MEGF9: variants seen among roughly 807,000 people sequenced by gnomAD.
MEGF9 encodes multiple EGF like domains 9.
A neutral mutation model predicts 46.8 loss-of-function variants in MEGF9; 6 were observed. The ratio of observed to expected loss-of-function variants is 0.13; its 90% CI spans 0.07 to 0.25. The LOEUF (loss-of-function observed/expected upper bound fraction) is 0.25. Ranked by LOEUF, MEGF9 falls within the 10% of genes least tolerant of loss-of-function variation. The pLI, the probability that MEGF9 is intolerant of heterozygous loss-of-function variation, is 1.00. For synonymous variants in MEGF9, 302 were observed against 330.7 expected, an observed-to-expected ratio of 0.91 and a Z score of 0.94; for missense variants, 683 against 792.4, an observed-to-expected ratio of 0.86 and a Z score of 1.66.
At chr9:120,680,119 TTC>T (rs1347342807) in intron 1 of MEGF9, among the ~76,000 whole-genome samples, 4 of 152,212 alleles carry the variant, frequency 2.6e-5, no homozygotes, top group Non-Finnish European at 5.9e-5. Flanking sequence ...CTATTTTGAA[TTC>T]TCTGTTTGAA....
chr9:120,616,985 A>G (rs1360151381), intron 3 of MEGF9, among the ~76,000 whole-genome samples: 1 of 152,176 alleles, frequency 6.6e-6, no homozygotes, highest in Non-Finnish European at 1.5e-5. Flanking sequence ...AAATCTAAGA[A>G]TCTTTCTTTT....
chr9:120,711,610 C>A (rs938510463), intron 1 of MEGF9, among the ~76,000 whole-genome samples: 2 of 151,894 alleles, frequency 1.3e-5, no homozygotes, highest in African/African-American at 4.8e-5. Flanking sequence ...TAGGGGTTAC[C>A]TTTGGGGTTG....
intron 2 of MEGF9, among the ~76,000 whole-genome samples, chr9:120,635,548 C>T (rs770271414): frequency 2.6e-5 from 4 of 151,082 alleles, no homozygotes; most frequent in Non-Finnish European, 5.9e-5. Context: ...TAGGTAATTT[C>T]GAATGACCTA....
chr9:120,650,339 A>T (rs1190438930), intron 2 of MEGF9, among the ~76,000 whole-genome samples: 1 of 152,242 alleles, frequency 6.6e-6, no homozygotes, highest in Non-Finnish European at 1.5e-5. Context: ...ATGCTACCTG[A>T]TTTCTCTATT....
intron 2 of MEGF9, among the ~76,000 whole-genome samples, chr9:120,629,640 A>C (rs988513940): frequency 3.4e-5 from 5 of 148,944 alleles, no homozygotes; most frequent in Admixed American, 1.3e-4. Flanking sequence ...GACAGTCCCC[A>C]AAAAAATTTT....
chr9:120,663,130 A>G (rs1319207041), intron 1 of MEGF9, among the ~76,000 whole-genome samples: 1 of 152,226 alleles, frequency 6.6e-6, no homozygotes. Context: ...TGACACATCA[A>G]GACAGAAAGG....
intron 1 of MEGF9, among the ~76,000 whole-genome samples, chr9:120,688,589 T>C (rs750700123): frequency 3.3e-5 from 5 of 152,198 alleles, no homozygotes; most frequent in African/African-American, 4.8e-5. Flanking sequence ...ATTAGTTACT[T>C]AAATAGGTTA....
At chr9:120,684,262 T>C (rs1368365453) in intron 1 of MEGF9, among the ~76,000 whole-genome samples, 1 of 152,220 alleles carries the variant, frequency 6.6e-6, no homozygotes, top group African/African-American at 2.4e-5. Context: ...CTGTATATTA[T>C]ACACTGAAAT....
intron 1 of MEGF9, among the ~76,000 whole-genome samples, chr9:120,711,840 T>TACACACACACACACACACACACACAC (rs146669450): frequency 2.2e-5 from 3 of 139,158 alleles, no homozygotes; most frequent in East Asian, 2.0e-4. Context: ...TATACATACA[T>TACACACACACACACACACACACACAC]ACATACACAC....
At chr9:120,612,346 T>A (rs2043451199) in intron 4 of MEGF9, 50 bp downstream of exon 4, 2 of 1,579,154 alleles carry the variant, frequency 1.3e-6, no homozygotes, top group African/African-American at 2.7e-5. Flanking sequence ...TACCTATTGA[T>A]AACTGATTTT....
In MEGF9 at chr9:120,604,782, T is replaced by TAAA; in HGVS notation, c.*405_*407dup. On this transcript the variant is annotated 3_prime_UTR_variant, in exon 6 of 6. Coordinates refer to ENST00000373930, the MANE Select transcript of MEGF9 (RefSeq NM_001080497.3). Reference sequence around the variant, plus strand: ...ACGAATATAATCCCTGACACTGTTTTAAAAAAAATGTTTCAGGAATGGAGA... The same window carrying TAAA: ...ACGAATATAATCCCTGACACTGTTTTAAAAAAAAAAATGTTTCAGGAATGGAGA... 5.3e-6 allele frequency: 1 copy of TAAA among 188,268 alleles called. No individual in the cohort carries two copies. The highest frequency in any genetic ancestry group is 1.3e-4 in the East Asian group (1 of 7,796). The allele number at this position is 188,268 out of a possible 1,614,324, so 11.7% of individuals were successfully genotyped here. A position where few individuals can be genotyped will look rare whatever the true frequency, so the allele number is the denominator to read the frequency against.
intron 1 of MEGF9, among the ~76,000 whole-genome samples, chr9:120,689,595 C>G (rs1252706820): frequency 6.6e-6 from 1 of 152,032 alleles, no homozygotes; most frequent in African/African-American, 2.4e-5. Flanking sequence ...ATGCCAAGAG[C>G]ATGTGCATGT....
intron 1 of MEGF9, among the ~76,000 whole-genome samples, chr9:120,707,681 T>C (rs2043934824): frequency 6.6e-6 from 1 of 152,196 alleles, no homozygotes; most frequent in South Asian, 2.1e-4. Context: ...TAGAGAATAT[T>C]AGGATGATGA....
At chr9:120,691,207 A>C (rs1040954842) in intron 1 of MEGF9, among the ~76,000 whole-genome samples, 7 of 152,144 alleles carry the variant, frequency 4.6e-5, no homozygotes, top group African/African-American at 1.7e-4. Context: ...TGTCTCAAAA[A>C]ATGATCAATC....
intron 1 of MEGF9, among the ~76,000 whole-genome samples, chr9:120,696,810 T>C (rs1326488590): frequency 6.6e-6 from 1 of 152,190 alleles, no homozygotes; most frequent in Non-Finnish European, 1.5e-5. Context: ...TAGGCAAATA[T>C]GATGAGGTTT....
At position 120,711,871 on chromosome 9, in the gene MEGF9, A is replaced by ACACACAC. The variant is rs145059704; in HGVS notation, c.601+1886_601+1887insGTGTGTG. Among the ~76,000 whole-genome samples the ACACACAC allele has an allele frequency of 2.7e-3, 407 of 150,198 alleles. 1 individual carries two copies. The highest frequency in any genetic ancestry group is 9.6e-3 in the African/African-American group (389 of 40,364). The stretch of plus-strand genomic sequence containing the variant: ...CACACACACACACACACACACACAC[A>ACACACAC]CCCACAGGCCTGGTCATAAGCATAG... On this transcript the variant is annotated intron_variant, in intron 1 of 5. Coordinates refer to ENST00000373930, the MANE Select transcript of MEGF9 (RefSeq NM_001080497.3).
At chr9:120,651,399 T>C (rs951018320) in intron 2 of MEGF9, among the ~76,000 whole-genome samples, 2 of 152,208 alleles carry the variant, frequency 1.3e-5, no homozygotes, top group Non-Finnish European at 1.5e-5. Flanking sequence ...ATACTCTAGA[T>C]CCAGACTGCA....
rs2043862162 is a variant in MEGF9, at chr9:120,693,908, T to C, written c.601+19850A>G. ...TTCTCCTCTGGAAACCAATCCACTG[T>C]ACAAATCAATTAGGCTAAAAAAAAA... On this transcript the variant is annotated intron_variant, in intron 1 of 5. Coordinates refer to ENST00000373930, the MANE Select transcript of MEGF9 (RefSeq NM_001080497.3). Among the ~76,000 whole-genome samples the C allele has an allele frequency of 5.3e-5, 8 of 151,034 alleles. No individual in the cohort carries two copies. In the South Asian group the frequency reaches 1.7e-3, roughly 31 times the overall value.
intron 3 of MEGF9, among the ~76,000 whole-genome samples, chr9:120,616,408 G>A (rs1177104822): frequency 3.9e-5 from 6 of 151,962 alleles, no homozygotes; most frequent in Admixed American, 1.3e-4. Context: ...GGCTGGGTGC[G>A]GTGGCTCACA....
Sources: gnomAD v4.1 joint callset for allele counts (sites outside exome capture counted in the v4.1 genomes callset) on GRCh38, gnomAD v4.1.1 for gene constraint, MANE v1.5 for transcripts, NCBI Gene and HGNC (gene_info 2026-07-23, HGNC 2026-07-21) for gene names.